Variants in GRM3 observed in about 807,000 individuals in gnomAD.
GRM3 encodes glutamate metabotropic receptor 3.
GRM3 carries 26 observed loss-of-function variants against 70.5 expected under a neutral mutation model. The ratio of observed to expected loss-of-function variants is 0.37; its 90% CI spans 0.27 to 0.51. The LOEUF (loss-of-function observed/expected upper bound fraction) is 0.51, where lower values mean the gene tolerates loss of function less well. Among genes scored for constraint, GRM3 ranks in the 20% least tolerant of loss-of-function variants. The pLI, the probability that GRM3 is intolerant of heterozygous loss-of-function variation, is 0.93. For synonymous variants in GRM3, 443 were observed against 434.9 expected (o/e 1.02, Z -0.23); for missense variants, 859 against 1,123.8 (o/e 0.76, Z 3.37).
intron 1 of GRM3, among the ~76,000 whole-genome samples, chr7:86,689,172 A>G (rs1794638732): frequency 6.6e-6 from 1 of 151,656 alleles, no homozygotes; most frequent in South Asian, 2.1e-4. Flanking sequence ...AACACTGAAG[A>G]GTAATAAAAT....
rs560409592 is a variant in GRM3 at position 86,660,041 on chromosome 7, C to A, written c.-141+15169C>A. On this transcript the variant is annotated intron_variant, in intron 1 of 5. Transcript: ENST00000361669. ...TGTCCTACTTTATTCTTTTACCTGT[C>A]CATCTAGCTATCAGAATAGTATATT... 8.0e-4 allele frequency among the ~76,000 whole-genome samples: 121 copies of A among 152,118 alleles called. No homozygotes were observed. The Middle Eastern group carries it at 0.02, about 26-fold the overall frequency.
At chr7:86,688,898 G>T (rs1009927330) in intron 1 of GRM3, among the ~76,000 whole-genome samples, 1 of 148,342 alleles carries the variant, frequency 6.7e-6, no homozygotes, top group Admixed American at 6.8e-5. Flanking sequence ...TTCACAAAGG[G>T]TTAAGGAATA....
intron 1 of GRM3, among the ~76,000 whole-genome samples, chr7:86,747,082 A>G (rs1340895710): frequency 6.6e-6 from 1 of 152,102 alleles, no homozygotes; most frequent in Non-Finnish European, 1.5e-5. Context: ...TGGAAGAGAC[A>G]TTTTATAAGT....
intron 1 of GRM3, among the ~76,000 whole-genome samples, chr7:86,721,469 A>G (rs1340767899): frequency 6.6e-6 from 1 of 152,086 alleles, no homozygotes; most frequent in Non-Finnish European, 1.5e-5. Flanking sequence ...TCTTCCATGG[A>G]AAGAATAACC....
chr7:86,843,450 T>C (rs1178080166), intron 4 of GRM3, among the ~76,000 whole-genome samples: 1 of 152,162 alleles, frequency 6.6e-6, no homozygotes, highest in Non-Finnish European at 1.5e-5. Flanking sequence ...AAACAAGGAA[T>C]TCAGTCAGAA....
intron 1 of GRM3, among the ~76,000 whole-genome samples, chr7:86,672,670 C>T (rs1198438547): frequency 6.6e-6 from 1 of 152,030 alleles, no homozygotes; most frequent in Non-Finnish European, 1.5e-5. Flanking sequence ...GTGTGAAACA[C>T]ACCTTTACCC....
intron 1 of GRM3, among the ~76,000 whole-genome samples, chr7:86,726,573 A>C (rs1286952749): frequency 6.6e-6 from 1 of 151,920 alleles, no homozygotes; most frequent in African/African-American, 2.4e-5. Context: ...ATCACTAACC[A>C]TTTCCCCCAT....
At chr7:86,645,270 C>A (rs1430900932) in intron 1 of GRM3, among the ~76,000 whole-genome samples, 4 of 152,064 alleles carry the variant, frequency 2.6e-5, no homozygotes, top group Non-Finnish European at 5.9e-5. Flanking sequence ...TCCGTGGATA[C>A]GGGCGGTTTC....
At chr7:86,648,319 G>A (rs898033851) in intron 1 of GRM3, among the ~76,000 whole-genome samples, 2 of 152,152 alleles carry the variant, frequency 1.3e-5, no homozygotes, top group Non-Finnish European at 2.9e-5. Flanking sequence ...TGCACATTAT[G>A]AGACATTTTC....
intron 3 of GRM3, among the ~76,000 whole-genome samples, chr7:86,833,884 G>T (rs1798405960): frequency 6.6e-6 from 1 of 151,960 alleles, no homozygotes; most frequent in African/African-American, 2.4e-5. Context: ...TGTATTTGAA[G>T]GATGTAGAAA....
At chr7:86,651,508 GA>G (rs1793605170) in intron 1 of GRM3, among the ~76,000 whole-genome samples, 2 of 152,246 alleles carry the variant, frequency 1.3e-5, no homozygotes, top group South Asian at 2.1e-4. Flanking sequence ...AAAAACGTTG[GA>G]ATTTATATCT....
chr7:86,716,149 G>T (rs750230996), intron 1 of GRM3, among the ~76,000 whole-genome samples: 15 of 151,988 alleles, frequency 9.9e-5, no homozygotes, highest in Non-Finnish European at 1.9e-4. Flanking sequence ...TATTCCCAAT[G>T]TCATCTAGAA....
At chr7:86,838,392 C>T (rs1798498586) in intron 3 of GRM3, among the ~76,000 whole-genome samples, 1 of 152,058 alleles carries the variant, frequency 6.6e-6, no homozygotes, top group South Asian at 2.1e-4. Context: ...CAGAAAAATT[C>T]TTCCTGTTTT....
At chr7:86,699,016 G>A (rs1004983753) in intron 1 of GRM3, among the ~76,000 whole-genome samples, 3 of 151,998 alleles carry the variant, frequency 2.0e-5, no homozygotes, top group Non-Finnish European at 4.4e-5. Context: ...TTTCCCACAA[G>A]CCTCTGAAGA....
chr7:86,790,828 C>T (rs1428464911), intron 3 of GRM3, among the ~76,000 whole-genome samples: 2 of 152,046 alleles, frequency 1.3e-5, no homozygotes, highest in Non-Finnish European at 2.9e-5. Context: ...TCAATGAGAC[C>T]TACTCTGGCC....
Position 86,863,050 on chromosome 7 carries a change from A to G in GRM3, c.2567-1232A>G, listed in dbSNP as rs12704295. On this transcript the variant is annotated intron_variant, in intron 5 of 5. Coordinates refer to ENST00000361669, the MANE Select transcript of GRM3 (RefSeq NM_000840.3). The stretch of plus-strand genomic sequence containing the variant: ...GCTCCTACTGGTCAGAGTATATACA[A>G]ATAGACAGGCCAAGGGGTTGTATGA... Among the ~76,000 whole-genome samples the G allele has an allele frequency of 6.6e-3, 1,005 of 152,272 alleles. 6 individuals carry two copies. Among genetic ancestry groups the G allele is most frequent in the Middle Eastern group, 0.02 (6 of 294 alleles).
rs755314885 is a variant in GRM3, at chr7:86,765,381, T to C, written c.236T>C (p.Ile79Thr). ...GCCATGTTGTTTGCTATTGATGAAA[T>C]CAACAAAGATGATTACTTGCTACCA... Reference protein sequence around the residue: ...LEAMLFAIDEINKDDYLLPGV... With the variant: ...LEAMLFAIDETNKDDYLLPGV... The change falls in exon 2 of 6, where the codon ATC becomes ACC. Residue 79 changes from isoleucine to threonine, a missense_variant. Physicochemically the swap from Ile to Thr is moderately conservative, Grantham distance 89 (BLOSUM62 -1). Transcript: ENST00000361669. 6.2e-7 allele frequency: 1 copy of C among 1,613,892 alleles called. No individual in the cohort carries two copies. The highest frequency in any genetic ancestry group is 1.1e-5 in the South Asian group (1 of 91,086).
intron 1 of GRM3, among the ~76,000 whole-genome samples, chr7:86,713,112 C>A (rs1051442152): frequency 2.6e-5 from 4 of 151,958 alleles, no homozygotes; most frequent in Admixed American, 2.0e-4. Context: ...AAGGGTTCTG[C>A]TTTTTATATA....
intron 3 of GRM3, among the ~76,000 whole-genome samples, chr7:86,829,953 G>A (rs1198038262): frequency 6.6e-6 from 1 of 152,110 alleles, no homozygotes; most frequent in Non-Finnish European, 1.5e-5. Flanking sequence ...GCACAATAAA[G>A]CAAAGTACAA....
Sources: gnomAD v4.1 joint callset for allele counts (sites outside exome capture counted in the v4.1 genomes callset) on GRCh38, gnomAD v4.1.1 for gene constraint, MANE v1.5 for transcripts, NCBI Gene and HGNC (gene_info 2026-07-23, HGNC 2026-07-21) for gene names.